Variants in THSD4 observed in about 807,000 individuals in gnomAD.
THSD4 encodes thrombospondin type 1 domain containing 4.
Under a neutral mutation model 119.0 loss-of-function variants are expected in THSD4, and 69 were observed. The ratio of observed to expected loss-of-function variants is 0.58; its 90% CI spans 0.48 to 0.71. The LOEUF (loss-of-function observed/expected upper bound fraction) is 0.71. Among genes scored for constraint, THSD4 ranks in the 30% least tolerant of loss-of-function variants. The probability of loss-of-function intolerance (pLI) is 0.00; values close to 1 mark genes in which losing one functional copy is unlikely to be tolerated. For synonymous variants in THSD4, 524 were observed against 540.4 expected (o/e 0.97, Z 0.42); for missense variants, 1,393 against 1,391.1 (o/e 1.00, Z -0.02).
chr15:71,357,773 C>A (rs16955491), intron 6 of THSD4, among the ~76,000 whole-genome samples: 1 of 151,978 alleles, frequency 6.6e-6, no homozygotes, highest in African/African-American at 2.4e-5. Flanking sequence ...TTAAATGTGG[C>A]GAGAAATGGA....
In THSD4 at chr15:71,771,098, G is replaced by A. The variant is rs372580974; in HGVS notation, c.2804G>A (p.Arg935Gln). The part of the protein sequence containing the change: ...SKSCQGGFRV[R>Q]EVRCLSDDMT... ...AGCTGCCAGGGTGGCTTTCGGGTCC[G>A]GGAAGTGCGGTGTCTGTCTGATGAC... The change falls in exon 17 of 18, where the codon CGG (arginine) becomes CAG (glutamine). Residue 935 changes from arginine (R) to glutamine (Q), a missense_variant. By Grantham distance (43) the Arg-to-Gln change is conservative. Transcript: ENST00000261862. 33 of 1,614,042 alleles carry A rather than the reference G, an allele frequency of 2.0e-5. No individual in the cohort carries two copies. The highest frequency in any genetic ancestry group is 1.3e-4 in the African/African-American group (10 of 74,916).
intron 6 of THSD4, among the ~76,000 whole-genome samples, chr15:71,290,345 T>A (rs1291179385): frequency 6.6e-6 from 1 of 152,210 alleles, no homozygotes; most frequent in African/African-American, 2.4e-5. Flanking sequence ...TGGGTTCTAT[T>A]TGCAACAGAC....
chr15:71,384,421 G>A (rs1415495431), intron 6 of THSD4, among the ~76,000 whole-genome samples: 5 of 151,994 alleles, frequency 3.3e-5, no homozygotes, highest in Non-Finnish European at 1.5e-5. Context: ...TTGTGTGCCT[G>A]GATTCAGCAT....
chr15:71,459,924 C>T (rs763271833), intron 7 of THSD4, among the ~76,000 whole-genome samples: 37 of 152,074 alleles, frequency 2.4e-4, no homozygotes, highest in Non-Finnish European at 5.0e-4. Flanking sequence ...CTCACACAGC[C>T]CGGATCTACT....
intron 6 of THSD4, among the ~76,000 whole-genome samples, chr15:71,329,126 C>T (rs1026577208): frequency 6.6e-6 from 1 of 152,168 alleles, no homozygotes; most frequent in African/African-American, 2.4e-5. Context: ...GGATGCAAGT[C>T]TGCTTGTGCT....
rs575790861 is a variant in THSD4, at chr15:71,137,519, A to AT, written c.-79-3923dup. ...CTTATTATGCGTGATGAATGCAGGT[A>AT]TTTTTTTCTCTTATCTTTCATTCTT... On this transcript the variant is annotated intron_variant, in intron 1 of 17. Coordinates refer to ENST00000261862, the MANE Select transcript of THSD4 (RefSeq NM_024817.3). Among the ~76,000 whole-genome samples the AT allele has an allele frequency of 3.3e-3, 486 of 147,462 alleles. 5 individuals are homozygous for AT. Among genetic ancestry groups the AT allele is most frequent in the Non-Finnish European group, 4.7e-3 (317 of 67,940 alleles).
At chr15:71,196,337 C>G (rs184613244) in intron 3 of THSD4, among the ~76,000 whole-genome samples, 100 of 152,286 alleles carry the variant, frequency 6.6e-4, no homozygotes, top group African/African-American at 2.4e-3. Flanking sequence ...AATCACAGAA[C>G]CAGCGTTTGA....
At chr15:71,617,211 T>C (rs1039005199) in intron 7 of THSD4, among the ~76,000 whole-genome samples, 3 of 152,202 alleles carry the variant, frequency 2.0e-5, no homozygotes, top group Admixed American at 6.5e-5. Flanking sequence ...TGTTAGAACA[T>C]TTAATAGTAA....
chr15:71,635,123 G>A (rs2050714826), intron 7 of THSD4, among the ~76,000 whole-genome samples: 1 of 152,136 alleles, frequency 6.6e-6, no homozygotes. Flanking sequence ...ATTAATTAAG[G>A]CCAGATTTGA....
At chr15:71,350,874 T>C (rs2045735252) in intron 6 of THSD4, among the ~76,000 whole-genome samples, 1 of 152,204 alleles carries the variant, frequency 6.6e-6, no homozygotes, top group African/African-American at 2.4e-5. Context: ...TTAAGCTTGT[T>C]GGTAACTCTC....
intron 8 of THSD4, among the ~76,000 whole-genome samples, chr15:71,715,470 A>G (rs1051183891): frequency 6.6e-6 from 1 of 152,078 alleles, no homozygotes; most frequent in African/African-American, 2.4e-5. Flanking sequence ...AATTACCCGA[A>G]TTCCCAGCAT....
chr15:71,728,551 C>T lies in THSD4; in HGVS notation c.1360C>T (p.Leu454=), dbSNP rs2141129296. ...EMYKSNNYLA[L]RSRSGRSIIN... is the part of the protein sequence containing the mutation. Reference sequence around the variant, plus strand: ...AACTGTCTGATTTTTCTCAACAGCCCTGAGAAGTCGTTCTGGACGCTCCAT... The same window carrying T: ...AACTGTCTGATTTTTCTCAACAGCCTTGAGAAGTCGTTCTGGACGCTCCAT... Residue 454 remains leucine, a splice_region_variant and synonymous_variant, in exon 9 of 18, where the codon CTG becomes TTG. Transcript: ENST00000261862. The T allele has an allele frequency of 6.2e-7, 1 of 1,614,028 alleles. No individual in the cohort carries two copies.
intron 7 of THSD4, among the ~76,000 whole-genome samples, chr15:71,554,285 A>G (rs530319230): frequency 6.8e-6 from 1 of 147,790 alleles, no homozygotes; most frequent in East Asian, 2.0e-4. Flanking sequence ...TTTAGTAGAG[A>G]TGGGTTTCAC....
At chr15:71,233,507 T>C (rs955764098) in intron 4 of THSD4, among the ~76,000 whole-genome samples, 1 of 152,226 alleles carries the variant, frequency 6.6e-6, no homozygotes, top group Non-Finnish European at 1.5e-5. Context: ...AATGAGAGCA[T>C]GTTTAGTGTC....
chr15:71,366,805 G>T (rs1047746604), intron 6 of THSD4, among the ~76,000 whole-genome samples: 4 of 152,150 alleles, frequency 2.6e-5, no homozygotes, highest in Non-Finnish European at 4.4e-5. Flanking sequence ...CAATCTTTTA[G>T]ATTTCCAGGT....
intron 7 of THSD4, among the ~76,000 whole-genome samples, chr15:71,414,457 T>G (rs2046731821): frequency 6.6e-6 from 1 of 152,220 alleles, no homozygotes. Flanking sequence ...GGGAATCCGC[T>G]TTTCTAACAA....
chr15:71,276,082 A>T (rs565490028), intron 6 of THSD4, among the ~76,000 whole-genome samples: 10 of 152,344 alleles, frequency 6.6e-5, no homozygotes, highest in African/African-American at 2.4e-4. Flanking sequence ...CACTCCATGA[A>T]TCAGTGGGAG....
At position 71,240,780 on chromosome 15, in the gene THSD4, G is replaced by A. The variant is rs535382893; in HGVS notation, c.465-1869G>A. On this transcript the variant is annotated intron_variant, in intron 4 of 17. Coordinates refer to ENST00000261862, the MANE Select transcript of THSD4 (RefSeq NM_024817.3). The stretch of plus-strand genomic sequence containing the variant: ...AAAGAAAAAGGCAAATTATATCCAA[G>A]TTTTATATATATGTGTATACACACA... Among the ~76,000 whole-genome samples the A allele has an allele frequency of 7.8e-4, 115 of 146,856 alleles. 1 individual carries two copies. Among genetic ancestry groups the A allele is most frequent in the African/African-American group, 2.7e-3 (105 of 39,466 alleles).
intron 7 of THSD4, among the ~76,000 whole-genome samples, chr15:71,646,296 A>G (rs1043737462): frequency 4.6e-5 from 7 of 152,342 alleles, no homozygotes; most frequent in Non-Finnish European, 8.8e-5. Flanking sequence ...CACTTTTCTT[A>G]TGGAACCTAA....
Sources: gnomAD v4.1 joint callset for allele counts (sites outside exome capture counted in the v4.1 genomes callset) on GRCh38, gnomAD v4.1.1 for gene constraint, MANE v1.5 for transcripts, NCBI Gene and HGNC (gene_info 2026-07-23, HGNC 2026-07-21) for gene names.